Variants in ZNF341 observed in about 807,000 individuals in gnomAD.
The protein encoded by ZNF341 is zinc finger protein 341.
Under a neutral mutation model 87.7 loss-of-function variants are expected in ZNF341, and 52 were observed. The observed-to-expected ratio is 0.59, with a 90% confidence interval of 0.47 to 0.75. The LOEUF (loss-of-function observed/expected upper bound fraction) is 0.75, where lower values mean the gene tolerates loss of function less well. Among genes scored for constraint, ZNF341 ranks in the 30% least tolerant of loss-of-function variants. The pLI is 0.00. For missense variants in ZNF341, 977 were observed against 1,145.9 expected (o/e 0.85, Z 2.13); for synonymous variants, 459 against 472.7 (o/e 0.97, Z 0.38).
At chr20:33,750,743 C>T (rs1050635228) in intron 4 of ZNF341, among the ~76,000 whole-genome samples, 3 of 151,970 alleles carry the variant, frequency 2.0e-5, no homozygotes, top group African/African-American at 4.8e-5. Context: ...TGGGTTCAAG[C>T]GATTCTCCTG....
intron 7 of ZNF341, among the ~76,000 whole-genome samples, chr20:33,759,325 C>T (rs1448639297): frequency 6.6e-6 from 1 of 152,178 alleles, no homozygotes; most frequent in Non-Finnish European, 1.5e-5. Context: ...ACTCTTGTTG[C>T]CCAGGCTGGA....
intron 9 of ZNF341, among the ~76,000 whole-genome samples, chr20:33,768,993 A>G (rs1414845875): frequency 6.6e-6 from 1 of 152,222 alleles, no homozygotes; most frequent in African/African-American, 2.4e-5. Flanking sequence ...ATAACTGTCA[A>G]TGAAAAAAAG....
intron 4 of ZNF341, chr20:33,752,442 A>G (rs543691088): frequency 5.0e-6 from 3 of 598,000 alleles, no homozygotes; most frequent in East Asian, 7.2e-5. Flanking sequence ...AAGCCACTCC[A>G]TGGATGCACT....
chr20:33,744,722 G>A (rs2018879242), intron 2 of ZNF341, among the ~76,000 whole-genome samples: 1 of 152,120 alleles, frequency 6.6e-6, no homozygotes, highest in Non-Finnish European at 1.5e-5. Context: ...CTCCCGAGTA[G>A]CTGGGACTAT....
At chr20:33,753,470 A>G (rs976199604) in intron 5 of ZNF341, 47 bp downstream of exon 5, 4 of 1,515,856 alleles carry the variant, frequency 2.6e-6, no homozygotes, top group African/African-American at 2.7e-5. Flanking sequence ...CATGGACATC[A>G]TGGCCAACCC....
At chr20:33,751,365 G>A (rs1030806915) in intron 4 of ZNF341, among the ~76,000 whole-genome samples, 2 of 152,188 alleles carry the variant, frequency 1.3e-5, no homozygotes, top group Middle Eastern at 3.4e-3. Flanking sequence ...GTTTATTACA[G>A]CAAAGGAACA....
At position 33,732,835 on chromosome 20, in the gene ZNF341, T is replaced by G. The variant is rs2018601822; in HGVS notation, c.31+783T>G. On this transcript the variant is annotated intron_variant, in intron 1 of 14. Coordinates refer to ENST00000375200, the MANE Select transcript of ZNF341 (RefSeq NM_001282933.2). The surrounding 1 kb of genome is among the most constrained non-coding windows in gnomAD (Gnocchi z 4.5). Reference sequence around the variant, plus strand: ...AGCAAACACTGAGCACCTCCATGTGTGCATCTGCTGGGCGTCGGGGAGGAA... The same window carrying G: ...AGCAAACACTGAGCACCTCCATGTGGGCATCTGCTGGGCGTCGGGGAGGAA... Among the ~76,000 whole-genome samples the G allele has an allele frequency of 6.6e-6, 1 of 152,122 alleles. No individual in the cohort carries two copies. Among genetic ancestry groups the G allele is most frequent in the Non-Finnish European group, 1.5e-5 (1 of 68,002 alleles).
intron 10 of ZNF341, among the ~76,000 whole-genome samples, chr20:33,772,222 C>T (rs1202848242): frequency 1.3e-5 from 2 of 152,020 alleles, no homozygotes; most frequent in Non-Finnish European, 2.9e-5. Flanking sequence ...TGTACATTTG[C>T]CTGCATCATC....
intron 7 of ZNF341, among the ~76,000 whole-genome samples, chr20:33,759,129 C>T (rs1601255549): frequency 6.6e-6 from 1 of 152,208 alleles, no homozygotes; most frequent in Non-Finnish European, 1.5e-5. Context: ...AACAGGCTGG[C>T]CTACCAGGGC....
intron 5 of ZNF341, among the ~76,000 whole-genome samples, chr20:33,753,725 C>CA (rs957298838): frequency 4.0e-5 from 6 of 150,732 alleles, no homozygotes; most frequent in Non-Finnish European, 5.9e-5. Flanking sequence ...CCTTTTCAGG[C>CA]AAAAAAAAGA....
intron 13 of ZNF341, 82 bp from the exon 14 acceptor site, chr20:33,789,436 T>C: frequency 1.4e-6 from 2 of 1,448,776 alleles, no homozygotes; most frequent in South Asian, 1.1e-5. Flanking sequence ...AGGCTGTCCC[T>C]TGTGCCCAGG....
chr20:33,776,631 C>T (rs1013253424), intron 10 of ZNF341, among the ~76,000 whole-genome samples: 1 of 152,192 alleles, frequency 6.6e-6, no homozygotes, highest in African/African-American at 2.4e-5. Context: ...AGCGGTCCAC[C>T]TGCCTTGTTC....
intron 10 of ZNF341, among the ~76,000 whole-genome samples, chr20:33,778,389 A>G (rs1207177654): frequency 6.6e-6 from 1 of 152,006 alleles, no homozygotes; most frequent in East Asian, 1.9e-4. Context: ...GGCTCACCGC[A>G]ACCTCTGCCC....
At chr20:33,778,039 G>A (rs1424697586) in intron 10 of ZNF341, among the ~76,000 whole-genome samples, 1 of 152,216 alleles carries the variant, frequency 6.6e-6, no homozygotes, top group African/African-American at 2.4e-5. Context: ...ATGTGATGTT[G>A]ATTTGCTCTA....
intron 11 of ZNF341, among the ~76,000 whole-genome samples, chr20:33,783,089 G>T (rs2019776073): frequency 6.6e-6 from 1 of 152,140 alleles, no homozygotes; most frequent in East Asian, 1.9e-4. Context: ...GGGAGGCAGA[G>T]GTTGCAGTGA....
chr20:33,745,874 G>A (rs2018908224), intron 3 of ZNF341, among the ~76,000 whole-genome samples: 2 of 151,922 alleles, frequency 1.3e-5, no homozygotes, highest in South Asian at 4.2e-4. Context: ...TAGGAAGGTG[G>A]GAGGTGCTAG....
rs1367146381 is a variant in ZNF341 at position 33,747,630 on chromosome 20, A to C, written c.340-1293A>C. ...ACTCCGTCTCAAAAAAAAAAAAAAA[A>C]AAAAAAAAAAAACACAGTCATTTTT... On this transcript the variant is annotated intron_variant, in intron 3 of 14. Coordinates refer to ENST00000375200, the MANE Select transcript of ZNF341 (RefSeq NM_001282933.2). 1.3e-4 allele frequency among the ~76,000 whole-genome samples: 17 copies of C among 132,672 alleles called. 1 individual carries two copies. The highest frequency in any genetic ancestry group is 2.1e-4 in the Non-Finnish European group (14 of 66,858). 87.0% of individuals were successfully genotyped at this position (132,672 alleles called of 152,430 possible). A position where few individuals can be genotyped will look rare whatever the true frequency, so the allele number is the denominator to read the frequency against.
At chr20:33,785,725 ACT>A (rs1317452481) in intron 12 of ZNF341, among the ~76,000 whole-genome samples, 4 of 152,180 alleles carry the variant, frequency 2.6e-5, no homozygotes, top group Non-Finnish European at 5.9e-5. Context: ...CCCAAAGGTA[ACT>A]GTTAGCGGTC....
chr20:33,741,103 C>A, intron 2 of ZNF341, 91 bp downstream of exon 2: 3 of 1,222,360 alleles, frequency 2.5e-6, no homozygotes, highest in Non-Finnish European at 3.6e-6. Flanking sequence ...GAGTGAAATG[C>A]TTGCTGTGGT....
Sources: allele counts gnomAD v4.1 joint callset (sites outside exome capture counted in the v4.1 genomes callset), GRCh38; gene constraint gnomAD v4.1.1; non-coding constraint Gnocchi (gnomAD v3.1); transcripts MANE v1.5; gene names NCBI Gene and HGNC (gene_info 2026-07-23, HGNC 2026-07-21).